DMAC2L: variants seen among roughly 807,000 people sequenced by gnomAD.
The protein encoded by DMAC2L is ATP synthase subunit s, mitochondrial.
A neutral mutation model predicts 22.5 loss-of-function variants in DMAC2L; 21 were observed. The ratio of observed to expected loss-of-function variants is 0.93; its 90% CI spans 0.66 to 1.34. The LOEUF (loss-of-function observed/expected upper bound fraction) is 1.34, where lower values mean the gene tolerates loss of function less well. Ranked by LOEUF, DMAC2L falls within the 40% of genes most tolerant of loss-of-function variation. DMAC2L has a pLI of 0.00. For missense variants in DMAC2L, 239 were observed against 246.5 expected (o/e 0.97, Z 0.20); for synonymous variants, 86 against 89.5 (o/e 0.96, Z 0.22).
intron 1 of DMAC2L, chr14:50,312,950 C>G (rs2031384545): frequency 6.3e-7 from 1 of 1,592,492 alleles, no homozygotes; most frequent in African/African-American, 1.3e-5. Context: ...AAGAACCAGA[C>G]AGCTCGGTTT....
intron 1 of DMAC2L, among the ~76,000 whole-genome samples, chr14:50,313,645 C>T (rs1346908997): frequency 2.6e-5 from 4 of 152,186 alleles, no homozygotes; most frequent in Non-Finnish European, 5.9e-5. Context: ...GTACCCTTTA[C>T]CCAGTCTTCC....
intron 2 of DMAC2L, chr14:50,319,238 T>C: frequency 6.5e-7 from 1 of 1,536,074 alleles, no homozygotes; most frequent in South Asian, 1.2e-5. Context: ...GAGAACATGA[T>C]AAGAGGTAGT....
At chr14:50,319,342 A>G (rs2032075296) in intron 2 of DMAC2L, 1 of 1,535,876 alleles carries the variant, frequency 6.5e-7, no homozygotes, top group African/African-American at 1.4e-5. Context: ...TCACTGTTCC[A>G]CGGCCTCAGC....
chr14:50,319,353 A>ATCCTCAATCACTTCCTCAGCT (rs1446711029), intron 2 of DMAC2L: 2 of 1,535,486 alleles, frequency 1.3e-6, no homozygotes, highest in Non-Finnish European at 8.7e-7. Flanking sequence ...CGGCCTCAGC[A>ATCCTCAATCACTTCCTCAGCT]TCCTCAATCA....
At chr14:50,312,084 A>G, upstream of DMAC2L, 1 of 1,605,574 alleles carries the variant, frequency 6.2e-7, no homozygotes. Context: ...GCCCCAGGGG[A>G]GCCACCGGCG....
intron 4 of DMAC2L, among the ~76,000 whole-genome samples, 194 bp from the exon 5 acceptor site, chr14:50,323,751 C>T (rs2032488344): frequency 6.6e-6 from 1 of 152,174 alleles, no homozygotes; most frequent in Non-Finnish European, 1.5e-5. Flanking sequence ...ATGGTCCTGT[C>T]CATCAGCACA....
upstream of DMAC2L, chr14:50,312,003 C>T (rs2031246423): frequency 6.4e-7 from 1 of 1,557,732 alleles, no homozygotes; most frequent in Non-Finnish European, 8.7e-7. Context: ...GGACCAGCGG[C>T]CACTCACCTG....
At chr14:50,314,891 C>T (rs2031630217) in intron 2 of DMAC2L, among the ~76,000 whole-genome samples, 1 of 152,166 alleles carries the variant, frequency 6.6e-6, no homozygotes, top group Non-Finnish European at 1.5e-5. Flanking sequence ...ATCTGCCTGC[C>T]TCAGCCTCCC....
intron 1 of DMAC2L, chr14:50,312,991 C>G: frequency 6.2e-7 from 1 of 1,614,120 alleles, no homozygotes. Context: ...GTGTCCTTTT[C>G]TTGAGTACTG....
intron 3 of DMAC2L, among the ~76,000 whole-genome samples, chr14:50,321,989 T>C (rs2032315277): frequency 6.6e-6 from 1 of 152,206 alleles, no homozygotes; most frequent in African/African-American, 2.4e-5. Flanking sequence ...GGTGGCACAC[T>C]TAGAAATGTC....
At chr14:50,313,070 C>G (rs1045415559) in intron 1 of DMAC2L, 2 of 1,603,190 alleles carry the variant, frequency 1.2e-6, no homozygotes, top group Non-Finnish European at 1.7e-6. Flanking sequence ...GGTCACTTCA[C>G]CTGATTCCCT....
Position 50,322,658 on chromosome 14 carries a change from C to T in DMAC2L, c.255C>T (p.Tyr85=). 1.9e-6 allele frequency: 3 copies of T among 1,614,098 alleles called. No homozygotes were observed. The highest frequency in any genetic ancestry group is 2.5e-6 in the Non-Finnish European group (3 of 1,180,010). ...TTCCAACAGGCCCTCTGGACAAATACAAGATTCAGGCGATCGACGCCACCG... is the reference window on the plus strand; with the variant it reads ...TTCCAACAGGCCCTCTGGACAAATATAAGATTCAGGCGATCGACGCCACCG... ...NHLPTGPLDK[Y]KIQAIDATDS... The change falls in exon 4 of 6, where the codon TAC becomes TAT. Residue 85 remains tyrosine (Y), a synonymous_variant. Coordinates refer to ENST00000557421, the MANE Select transcript of DMAC2L (RefSeq NM_001382507.1).
chr14:50,317,821 G>A (rs1299340859), intron 2 of DMAC2L, among the ~76,000 whole-genome samples: 1 of 151,088 alleles, frequency 6.6e-6, no homozygotes, highest in Non-Finnish European at 1.5e-5. Flanking sequence ...TCCTTATCTT[G>A]TTCCAATTCT....
intron 5 of DMAC2L, 99 bp from the exon 6 acceptor site, chr14:50,325,510 G>T (rs940594268): frequency 2.2e-6 from 3 of 1,380,252 alleles, no homozygotes; most frequent in Non-Finnish European, 3.0e-6. Flanking sequence ...GGGTGATATA[G>T]ATTCATTTTC....
chr14:50,315,127 C>T (rs1050439794), intron 2 of DMAC2L, among the ~76,000 whole-genome samples: 9 of 151,982 alleles, frequency 5.9e-5, no homozygotes, highest in East Asian at 2.0e-4. Context: ...CCACTATGCC[C>T]GGCTAATTTT....
In DMAC2L at chr14:50,322,695, A is replaced by T. The variant is rs969108443; in HGVS notation, c.292A>T (p.Met98Leu). 7 of 1,614,210 alleles carry T rather than the reference A, an allele frequency of 4.3e-6. No individual in the cohort carries two copies. Among genetic ancestry groups the T allele is most frequent in the Non-Finnish European group, 5.9e-6 (7 of 1,180,040 alleles). Residue 98 changes from methionine (M) to leucine (L), a missense_variant, in exon 4 of 6, where the codon ATG becomes TTG. Transcript: ENST00000557421. ...GATCGACGCCACCGACTCTTGTATC[A>T]TGAGCATTGGATTTGATCACATGGG... ...QAIDATDSCIMSIGFDHMEGL... is the reference protein window; with the variant it reads ...QAIDATDSCILSIGFDHMEGL...
Position 50,326,399 on chromosome 14 carries a change from G to C in DMAC2L, c.*676G>C, listed in dbSNP as rs149907445. The C allele has an allele frequency of 8.4e-5, 80 of 950,682 alleles. 1 individual carries two copies. In the African/African-American group the frequency reaches 1.3e-3, roughly 15 times the overall value. 58.9% of individuals were successfully genotyped at this position (950,682 alleles called of 1,614,324 possible). A position where few individuals can be genotyped will look rare whatever the true frequency, so the allele number is the denominator to read the frequency against. ...TAATTTACATTTAACTTTAAAGTTA[G>C]TGAAGCATACTACCATAAATGCACA... On this transcript the variant is annotated 3_prime_UTR_variant, in exon 6 of 6. Transcript: ENST00000557421.
intron 5 of DMAC2L, chr14:50,324,657 G>A (rs1267576682): frequency 1.3e-5 from 2 of 152,186 alleles, no homozygotes; most frequent in African/African-American, 4.8e-5. Context: ...GCCATGGCCT[G>A]GAGCAAGTCA....
At chr14:50,323,432 C>T (rs1444385623) in intron 4 of DMAC2L, among the ~76,000 whole-genome samples, 1 of 135,164 alleles carries the variant, frequency 7.4e-6, no homozygotes, top group Non-Finnish European at 1.6e-5. Flanking sequence ...CTCACTCTGT[C>T]ACCAAGGCTA....
Sources: gnomAD v4.1 joint callset for allele counts (sites outside exome capture counted in the v4.1 genomes callset) on GRCh38, gnomAD v4.1.1 for gene constraint, MANE v1.5 for transcripts, NCBI Gene and HGNC (gene_info 2026-07-23, HGNC 2026-07-21) for gene names.